UBE2G1: variants seen among roughly 807,000 people sequenced by gnomAD.
The protein encoded by UBE2G1 is ubiquitin conjugating enzyme E2 G1, also known as ubiquitin-conjugating enzyme E2 G1.
In UBE2G1, 5 loss-of-function variants were observed where a neutral mutation model predicts 22.7. The observed-to-expected ratio is 0.22, with a 90% CI of 0.12 to 0.46. The LOEUF (loss-of-function observed/expected upper bound fraction) is 0.46, where lower values mean the gene tolerates loss of function less well. UBE2G1 is among the 20% of genes least tolerant of loss of function. The pLI is 0.99. For synonymous variants in UBE2G1, 74 were observed against 67.5 expected (o/e 1.10, Z -0.47); for missense variants, 88 against 203.9 (o/e 0.43, Z 3.46).
Position 4,364,990 on chromosome 17 carries a change from T to C in UBE2G1, c.46+1281A>G, listed in dbSNP as rs117133168. ...TGAGCATCTAGAACTTTAATACTTG[T>C]CCAAACCTGCTTGCTCATGGTCTAA... On this transcript the variant is annotated intron_variant, in intron 1 of 5. Transcript: ENST00000396981. Among the ~76,000 whole-genome samples, 1,222 of 152,328 alleles carry C rather than the reference T, an allele frequency of 8.0e-3. 10 individuals carry two copies. Among genetic ancestry groups the C allele is most frequent in the Middle Eastern group, 0.024 (7 of 294 alleles).
chr17:4,287,561 A>G (rs1968980175), intron 4 of UBE2G1, among the ~76,000 whole-genome samples: 1 of 152,170 alleles, frequency 6.6e-6, no homozygotes, highest in Non-Finnish European at 1.5e-5. Flanking sequence ...ACTTGATTAA[A>G]TAGATAGTTT....
intron 4 of UBE2G1, among the ~76,000 whole-genome samples, chr17:4,284,443 A>C (rs1226479941): frequency 6.6e-6 from 1 of 152,036 alleles, no homozygotes; most frequent in Non-Finnish European, 1.5e-5. Flanking sequence ...TACTAAAAAT[A>C]CAAAAAATTT....
intron 1 of UBE2G1, among the ~76,000 whole-genome samples, chr17:4,328,222 CATAT>C (rs1197497644): frequency 3.3e-5 from 5 of 152,204 alleles, no homozygotes; most frequent in African/African-American, 1.2e-4. Context: ...GCTGAGAACC[CATAT>C]ATTAAGCTAA....
chr17:4,269,749 G>C lies in UBE2G1; in HGVS notation c.*2805C>G. ...GACTGAAATCTATATGCCTCTACGA[G>C]AACTTGGAATAAATTTAGGAAACAG... On this transcript the variant is annotated 3_prime_UTR_variant, in exon 6 of 6. Coordinates refer to ENST00000396981, the MANE Select transcript of UBE2G1 (RefSeq NM_003342.5). 5.4e-6 allele frequency: 1 copy of C among 186,256 alleles called. No homozygotes were observed. The highest frequency in any genetic ancestry group is 1.1e-5 in the Non-Finnish European group (1 of 88,772). 11.5% of individuals were successfully genotyped at this position (186,256 alleles called of 1,614,324 possible). A position where few individuals can be genotyped will look rare whatever the true frequency, so the allele number is the denominator to read the frequency against.
chr17:4,354,970 C>T (rs1371802483), intron 1 of UBE2G1, among the ~76,000 whole-genome samples: 1 of 151,772 alleles, frequency 6.6e-6, no homozygotes, highest in Non-Finnish European at 1.5e-5. Flanking sequence ...TGGTGCATGC[C>T]TATAGTCCCA....
At chr17:4,358,767 T>C (rs1170808523) in intron 1 of UBE2G1, among the ~76,000 whole-genome samples, 1 of 152,074 alleles carries the variant, frequency 6.6e-6, no homozygotes, top group East Asian at 1.9e-4. Flanking sequence ...GCCTGACTAA[T>C]ATAGAGAAAC....
rs1002192484 is a variant in UBE2G1 at position 4,270,764 on chromosome 17, T to C, written c.*1790A>G. The C allele has an allele frequency of 6.6e-6, 1 of 152,112 alleles. No homozygotes were observed. Among genetic ancestry groups the C allele is most frequent in the Non-Finnish European group, 1.5e-5 (1 of 68,018 alleles). The allele number at this position is 152,112 out of a possible 1,614,324, so 9.4% of individuals were successfully genotyped here. On this transcript the variant is annotated 3_prime_UTR_variant, in exon 6 of 6. Transcript: ENST00000396981. ...AAGGTTTGTGGGTTTGTATAATGTT[T>C]ACAGGTTTTTATAACGCTTCAGAGT...
intron 1 of UBE2G1, among the ~76,000 whole-genome samples, chr17:4,307,728 C>A (rs1000117274): frequency 2.0e-5 from 3 of 152,150 alleles, no homozygotes; most frequent in Non-Finnish European, 4.4e-5. Flanking sequence ...GCCACAGCTT[C>A]TGGGACAGAG....
intron 1 of UBE2G1, among the ~76,000 whole-genome samples, chr17:4,325,391 TTAAA>T (rs1969493699): frequency 6.6e-6 from 1 of 152,226 alleles, no homozygotes; most frequent in South Asian, 2.1e-4. Flanking sequence ...GTTTTTGTTT[TTAAA>T]TAACTCTTAA....
chr17:4,314,203 G>A (rs1319529260), intron 1 of UBE2G1, among the ~76,000 whole-genome samples: 1 of 152,164 alleles, frequency 6.6e-6, no homozygotes, highest in Non-Finnish European at 1.5e-5. Flanking sequence ...GGGCTCTTCA[G>A]AGAAATGGCT....
chr17:4,301,538 G>A, intron 2 of UBE2G1: 2 of 1,301,240 alleles, frequency 1.5e-6, no homozygotes, highest in South Asian at 1.2e-5. Flanking sequence ...AATTCATGCT[G>A]CTATATGCCT....
intron 1 of UBE2G1, among the ~76,000 whole-genome samples, chr17:4,362,797 G>A (rs1433585023): frequency 6.6e-6 from 1 of 152,164 alleles, no homozygotes; most frequent in East Asian, 1.9e-4. Context: ...GGGAGGCGGA[G>A]GTTGCAGTGA....
At chr17:4,299,396 C>T (rs1189289539) in intron 2 of UBE2G1, among the ~76,000 whole-genome samples, 1 of 152,002 alleles carries the variant, frequency 6.6e-6, no homozygotes. Context: ...GAGACTCTGT[C>T]TCAACAACAA....
intron 2 of UBE2G1, among the ~76,000 whole-genome samples, chr17:4,297,353 A>G (rs1969123997): frequency 6.6e-6 from 1 of 152,210 alleles, no homozygotes; most frequent in Admixed American, 6.5e-5. Context: ...CCAGGGGTAT[A>G]GCAGCAAAAA....
intron 2 of UBE2G1, among the ~76,000 whole-genome samples, chr17:4,299,849 T>TG (rs1969154322): frequency 7.0e-6 from 1 of 143,668 alleles, no homozygotes; most frequent in African/African-American, 2.5e-5. Flanking sequence ...TTTTTGGAGA[T>TG]GGAGTCTTGC....
chr17:4,337,504 T>C (rs1390301809), intron 1 of UBE2G1, among the ~76,000 whole-genome samples: 3 of 151,492 alleles, frequency 2.0e-5, no homozygotes, highest in Non-Finnish European at 4.4e-5. Flanking sequence ...AATACAAATG[T>C]TAGCCAGGTG....
intron 5 of UBE2G1, among the ~76,000 whole-genome samples, chr17:4,279,776 A>C (rs12150539): frequency 0.95 from 134,948 of 141,668 alleles, 64,550 homozygotes; most frequent in East Asian, 1. Flanking sequence ...CTCTGCCCCC[A>C]AAAAAAAGTT....
chr17:4,305,483 T>G (rs1403550439), intron 2 of UBE2G1, among the ~76,000 whole-genome samples: 1 of 152,214 alleles, frequency 6.6e-6, no homozygotes, highest in Non-Finnish European at 1.5e-5. Flanking sequence ...AATATTGCTG[T>G]GATTCACATC....
intron 3 of UBE2G1, among the ~76,000 whole-genome samples, chr17:4,294,415 C>CAAAAAAAA (rs68047533): frequency 8.5e-6 from 1 of 117,200 alleles, no homozygotes; most frequent in African/African-American, 4.4e-5. Flanking sequence ...GACTCCGTCT[C>CAAAAAAAA]AAAAAAAAAA....
Sources: allele counts gnomAD v4.1 joint callset (sites outside exome capture counted in the v4.1 genomes callset), GRCh38; gene constraint gnomAD v4.1.1; transcripts MANE v1.5; gene names NCBI Gene and HGNC (gene_info 2026-07-23, HGNC 2026-07-21).